The following TAS2R10 variants were observed in gnomAD, a reference collection of about 807,000 sequenced individuals.
The protein encoded by TAS2R10 is taste receptor type 2 member 10.
For missense variants in TAS2R10, 385 were observed against 362.0 expected, an observed-to-expected ratio of 1.06 and a Z score of -0.52; for synonymous variants, 144 against 126.6, an observed-to-expected ratio of 1.14 and a Z score of -0.92.
At chr12:10,826,078 A>C in exon 1 of TAS2R10, 4 of 1,613,370 alleles carry the variant, frequency 2.5e-6, no homozygotes, top group Non-Finnish European at 3.4e-6. Context: ...GTATAAATCC[A>C]TCTGTAATTA....
At chr12:10,825,455 C>T (rs775186014) in exon 1 of TAS2R10, 1 of 1,613,680 alleles carries the variant, frequency 6.2e-7, no homozygotes, top group Non-Finnish European at 8.5e-7. Flanking sequence ...AAATGAGTGA[C>T]CCCAGGGATA....
In TAS2R10 at chr12:10,825,505, G is replaced by A. The variant is rs1349462935; in HGVS notation, c.765C>T (p.Asn255=). 3.1e-6 allele frequency: 5 copies of A among 1,613,532 alleles called. No individual in the cohort carries two copies. In the African/African-American group the frequency reaches 4.0e-5, roughly 13 times the overall value. ...TCATTCCAAACATAAGCAGCAGTTT[G>A]TTTTCTCGCACAGTAAAACATGATA... The change falls in exon 1 of 1, where the codon AAC becomes AAT. Residue 255 remains asparagine (N), a synonymous_variant. Transcript: ENST00000240619.
At chr12:10,826,328 T>A in exon 1 of TAS2R10, 1 of 1,286,360 alleles carries the variant, frequency 7.8e-7, no homozygotes, top group East Asian at 2.3e-5. Flanking sequence ...TGCTGCAGAA[T>A]GAGGCATATA....
chr12:10,826,288 T>C, exon 1 of TAS2R10: 1 of 1,539,614 alleles, frequency 6.5e-7, no homozygotes, highest in Non-Finnish European at 8.9e-7. Context: ...ATTCTTAATA[T>C]TGCTTCTGTT....
downstream of TAS2R10, chr12:10,825,267 ATGCAG>A (rs1292710576): frequency 1.9e-6 from 2 of 1,068,566 alleles, no homozygotes; most frequent in East Asian, 4.8e-5. Flanking sequence ...CAATGCAAGA[ATGCAG>A]TGCAATGAAA....
chr12:10,825,758 T>C, exon 1 of TAS2R10: 1 of 1,613,204 alleles, frequency 6.2e-7, no homozygotes, highest in Non-Finnish European at 8.5e-7. Flanking sequence ...TTTAATAAAG[T>C]ATTCACTTTT....
exon 1 of TAS2R10, chr12:10,825,858 T>G: frequency 6.2e-7 from 1 of 1,612,698 alleles, no homozygotes; most frequent in East Asian, 2.2e-5. Flanking sequence ...AACGATGAAA[T>G]AAGTAAGAAT....
In TAS2R10 at chr12:10,826,303, C is replaced by A. The variant is rs1463102561; in HGVS notation, c.-34G>T. ...ATTCTTAATATTGCTTCTGTTACAT[C>A]TATCTTAGATTACCTGCTGCAGAAT... is the stretch of plus-strand genomic sequence containing the variant. On this transcript the variant is annotated 5_prime_UTR_variant, in exon 1 of 1. An upstream open reading frame in the 5' UTR loses its in-frame stop. Transcript: ENST00000240619. 2 of 1,470,174 alleles carry A rather than the reference C, an allele frequency of 1.4e-6. No individual in the cohort carries two copies. The highest frequency in any genetic ancestry group is 1.3e-5 in the South Asian group (1 of 79,730). The allele number at this position is 1,470,174 out of a possible 1,614,324, so 91.1% of individuals were successfully genotyped here.
At chr12:10,826,009 A>C in exon 1 of TAS2R10, 2 of 1,613,624 alleles carry the variant, frequency 1.2e-6, no homozygotes, top group Non-Finnish European at 1.7e-6. Context: ...CAATTACCCA[A>C]AAGTAACTAA....
chr12:10,825,415 C>A, exon 1 of TAS2R10: 1 of 1,613,550 alleles, frequency 6.2e-7, no homozygotes, highest in African/African-American at 1.3e-5. Flanking sequence ...AAGAGGCTTG[C>A]TTTAGCTTGC....
downstream of TAS2R10, chr12:10,825,308 G>A: frequency 4.7e-6 from 7 of 1,489,350 alleles, no homozygotes; most frequent in Non-Finnish European, 6.4e-6. Context: ...TTATTCACTG[G>A]ATTCCTTTCG....
At position 10,825,649 on chromosome 12, in the gene TAS2R10, C is replaced by T. The variant is rs142507813; in HGVS notation, c.621G>A (p.Met207Ile). The T allele has an allele frequency of 6.5e-4, 1,045 of 1,613,692 alleles. 8 individuals carry two copies. The East Asian group carries it at 0.02, about 31-fold the overall frequency. The change falls in exon 1 of 1, where the codon ATG (methionine) becomes ATA (isoleucine). Residue 207 changes from methionine (M) to isoleucine (I), a missense_variant. Met to Ile is a conservative substitution (Grantham distance 10, BLOSUM62 1). Transcript: ENST00000240619. ...CTCTCAATCCTGTCACATTCGATTG[C>T]ATCTGCCTGTTGTGTCTCCAAAGGG...
rs371523041 is a variant in TAS2R10 at position 10,825,644 on chromosome 12, G to A, written c.626C>T (p.Ser209Leu). The A allele has an allele frequency of 3.3e-5, 53 of 1,613,424 alleles. No homozygotes were observed. The African/African-American group carries it at 3.5e-4, about 11-fold the overall frequency. Residue 209 changes from serine to leucine, a missense_variant, in exon 1 of 1, where the codon TCG becomes TTG. Transcript: ENST00000240619. ...GGAGTCTCTCAATCCTGTCACATTC[G>A]ATTGCATCTGCCTGTTGTGTCTCCA...
chr12:10,826,236 C>A (rs771640723), exon 1 of TAS2R10: 1 of 1,610,634 alleles, frequency 6.2e-7, no homozygotes, highest in Non-Finnish European at 8.5e-7. Context: ...CTAACTACAA[C>A]AAAAATGAAG....
chr12:10,826,177 G>A (rs1309461413), exon 1 of TAS2R10: 1 of 1,613,238 alleles, frequency 6.2e-7, no homozygotes, highest in Non-Finnish European at 8.5e-7. Flanking sequence ...AGTCAATGCA[G>A]TTTACAAGTC....
chr12:10,826,138 G>C, exon 1 of TAS2R10: 2 of 1,613,430 alleles, frequency 1.2e-6, no homozygotes, highest in Non-Finnish European at 1.7e-6. Flanking sequence ...TGAGAATAAA[G>C]CCAATCGTAG....
exon 1 of TAS2R10, chr12:10,825,444 T>G (rs1212850857): frequency 6.2e-7 from 1 of 1,613,690 alleles, no homozygotes; most frequent in Admixed American, 1.7e-5. Flanking sequence ...AGAATTAAGA[T>G]AAATGAGTGA....
chr12:10,826,355 A>T (rs1948867507), exon 1 of TAS2R10: 1 of 937,188 alleles, frequency 1.1e-6, no homozygotes, highest in Non-Finnish European at 1.6e-6. Flanking sequence ...GCTCGACGGA[A>T]GTGTGACTTT....
At chr12:10,825,220 A>C (rs1009126203), downstream of TAS2R10, 4 of 754,590 alleles carry the variant, frequency 5.3e-6, no homozygotes, top group African/African-American at 7.0e-5. Flanking sequence ...ACAATTATGG[A>C]AGATTTCAGT....
Sources: gnomAD v4.1 joint callset for allele counts on GRCh38, gnomAD v4.1.1 for gene constraint, MANE v1.5 for transcripts, NCBI Gene and HGNC (gene_info 2026-07-23, HGNC 2026-07-21) for gene names.